Variants in IDNK observed in about 807,000 individuals in gnomAD.
IDNK encodes gluconokinase.
A neutral mutation model predicts 13.0 loss-of-function variants in IDNK; 9 were observed. The ratio of observed to expected loss-of-function variants is 0.69; its 90% confidence interval spans 0.42 to 1.21. IDNK has a LOEUF of 1.21. Ranked by LOEUF, IDNK falls within the 50% of genes most tolerant of loss-of-function variation. The pLI is 0.00. For missense variants in IDNK, 210 were observed against 237.8 expected (o/e 0.88, Z 0.77); for synonymous variants, 92 against 94.9 (o/e 0.97, Z 0.18).
intron 3 of IDNK, among the ~76,000 whole-genome samples, chr9:83,631,990 A>C (rs1218254469): frequency 1.3e-5 from 2 of 152,134 alleles, no homozygotes; most frequent in East Asian, 3.9e-4. Context: ...TCCTGAAAAA[A>C]ATCTCCTGAT....
At chr9:83,639,293 A>G (rs140327123) in intron 3 of IDNK, among the ~76,000 whole-genome samples, 292 of 152,368 alleles carry the variant, frequency 1.9e-3, no homozygotes, top group African/African-American at 6.4e-3. Flanking sequence ...AATTTGTGGG[A>G]TGCAGTTACA....
rs765373782 is a variant in IDNK at position 83,628,940 on chromosome 9, G to A, written c.149G>A (p.Gly50Asp). ...PEENRRKMGK[G>D]IPLNDQDRIP... is the part of the protein sequence containing the mutation. ...GAAAATCGAAGGAAGATGGGAAAAGGCATACCGCTCAATGACCAGGTAACA... is the reference window on the plus strand; with the variant it reads ...GAAAATCGAAGGAAGATGGGAAAAGACATACCGCTCAATGACCAGGTAACA... The change falls in exon 3 of 5, where the codon GGC becomes GAC. Residue 50 changes from glycine to aspartate, a missense_variant. Transcript: ENST00000376419. 7.4e-6 allele frequency: 12 copies of A among 1,613,676 alleles called. 1 individual carries two copies. The highest frequency in any genetic ancestry group is 2.2e-5 in the South Asian group (2 of 91,076).
At chr9:83,626,586 T>G in intron 1 of IDNK, 2 of 624,416 alleles carry the variant, frequency 3.2e-6, no homozygotes, top group Non-Finnish European at 5.2e-6. Flanking sequence ...CCAGCTAAGT[T>G]TTGTATTTTT....
chr9:83,632,784 A>C lies in IDNK; in HGVS notation c.168+3825A>C, dbSNP rs35378833. ...TAAAACTTCTGTGTGTTTGATTTTC[A>C]TAACTTATTATATTGTCCACAGTAA... On this transcript the variant is annotated intron_variant, in intron 3 of 4. Transcript: ENST00000376419. 9.1e-3 allele frequency among the ~76,000 whole-genome samples: 1,388 copies of C among 152,266 alleles called. 10 individuals carry two copies. The highest frequency in any genetic ancestry group is 0.016 in the Non-Finnish European group (1,118 of 68,024).
intron 4 of IDNK, among the ~76,000 whole-genome samples, chr9:83,641,797 CCTT>C (rs1395475458): frequency 1.3e-5 from 2 of 152,230 alleles, no homozygotes; most frequent in Non-Finnish European, 2.9e-5. Flanking sequence ...TGGAGACAAA[CCTT>C]CTAGACAGCT....
intron 3 of IDNK, among the ~76,000 whole-genome samples, chr9:83,636,335 C>A (rs1439226288): frequency 1.3e-5 from 2 of 152,118 alleles, no homozygotes; most frequent in African/African-American, 2.4e-5. Context: ...AGCTTCTCCC[C>A]AGGGGCAATT....
chr9:83,632,827 A>G (rs572996883), intron 3 of IDNK, among the ~76,000 whole-genome samples: 1 of 152,250 alleles, frequency 6.6e-6, no homozygotes, highest in South Asian at 2.1e-4. Context: ...GAAGGCATAG[A>G]GCTCAGTGAA....
intron 3 of IDNK, among the ~76,000 whole-genome samples, chr9:83,638,249 GAAGAC>G (rs1344480111): frequency 6.6e-6 from 1 of 151,968 alleles, no homozygotes; most frequent in East Asian, 1.9e-4. Flanking sequence ...GAATCAAATG[GAAGAC>G]AAGAATAGGA....
At chr9:83,626,843 A>G in intron 1 of IDNK, 1 of 1,096,394 alleles carries the variant, frequency 9.1e-7, no homozygotes, top group Non-Finnish European at 1.1e-6. Context: ...AGAATGAACT[A>G]ATGGGAAAGG....
chr9:83,630,678 G>C (rs2131623134), intron 3 of IDNK, among the ~76,000 whole-genome samples: 1 of 152,330 alleles, frequency 6.6e-6, no homozygotes, highest in South Asian at 2.1e-4. Flanking sequence ...AAATGTGACT[G>C]TGCCAGTGTT....
At chr9:83,634,577 T>C (rs1831114997) in intron 3 of IDNK, among the ~76,000 whole-genome samples, 1 of 152,226 alleles carries the variant, frequency 6.6e-6, no homozygotes, top group Admixed American at 6.5e-5. Flanking sequence ...TTCAGGCACA[T>C]AGAAAGTATA....
chr9:83,639,368 C>T (rs574624370), intron 3 of IDNK, among the ~76,000 whole-genome samples: 1 of 151,958 alleles, frequency 6.6e-6, no homozygotes, highest in Non-Finnish European at 1.5e-5. Context: ...TGAAAAGTAA[C>T]GAGCTAGTTG....
At chr9:83,624,554 A>G (rs1336605937) in intron 1 of IDNK, among the ~76,000 whole-genome samples, 4 of 152,292 alleles carry the variant, frequency 2.6e-5, no homozygotes, top group Non-Finnish European at 4.4e-5. Flanking sequence ...AAAGAGTGCC[A>G]GGCAGAGTGG....
rs188674910 is a variant in IDNK, at chr9:83,640,640, G to A, written c.169-908G>A. The stretch of plus-strand genomic sequence containing the variant: ...GCGGATCACCTGAGGTCAGGAGTTC[G>A]AGACCAGCCTGACCAACATGGAGAA... On this transcript the variant is annotated intron_variant, in intron 3 of 4. Transcript: ENST00000376419. 2.6e-3 allele frequency among the ~76,000 whole-genome samples: 396 copies of A among 152,284 alleles called. 7 individuals are homozygous for A. Among genetic ancestry groups the A allele is most frequent in the Admixed American group, 0.023 (346 of 15,300 alleles).
intron 1 of IDNK, among the ~76,000 whole-genome samples, chr9:83,624,423 A>G (rs1830789238): frequency 6.6e-6 from 1 of 152,232 alleles, no homozygotes; most frequent in Non-Finnish European, 1.5e-5. Flanking sequence ...TCATTGTCAT[A>G]TAGCGAACAG....
chr9:83,626,977 C>A, intron 1 of IDNK: 1 of 346,484 alleles, frequency 2.9e-6, no homozygotes, highest in Non-Finnish European at 4.1e-6. Flanking sequence ...GCAACAGTAT[C>A]CAGCTAGAAT....
chr9:83,626,960 T>C (rs903205682), intron 1 of IDNK: 18 of 487,298 alleles, frequency 3.7e-5, no homozygotes, highest in Non-Finnish European at 4.6e-5. Context: ...AAGAGGACCT[T>C]TGTTAGGCAA....
chr9:83,640,042 G>A, intron 3 of IDNK, among the ~76,000 whole-genome samples: 1 of 152,286 alleles, frequency 6.6e-6, no homozygotes, highest in East Asian at 1.9e-4. Flanking sequence ...GATGGGAAGG[G>A]CAGGGATGGT....
At chr9:83,623,443 C>A in intron 1 of IDNK, 2 of 538,610 alleles carry the variant, frequency 3.7e-6, no homozygotes, top group South Asian at 2.1e-5. Context: ...TCCGGGTTCC[C>A]GCTCTAAGAC....
Sources: gnomAD v4.1 joint callset for allele counts (sites outside exome capture counted in the v4.1 genomes callset) on GRCh38, gnomAD v4.1.1 for gene constraint, MANE v1.5 for transcripts, NCBI Gene and HGNC (gene_info 2026-07-23, HGNC 2026-07-21) for gene names.